STRBP: variants seen among roughly 807,000 people sequenced by gnomAD.
The protein encoded by STRBP is spermatid perinuclear RNA-binding protein.
A neutral mutation model predicts 80.1 loss-of-function variants in STRBP; 13 were observed. The observed-to-expected ratio is 0.16, with a 90% CI of 0.11 to 0.26. STRBP has a LOEUF of 0.26. STRBP is among the 10% of genes least tolerant of loss of function. The probability of loss-of-function intolerance (pLI) is 1.00; values close to 1 mark genes in which losing one functional copy is unlikely to be tolerated. For synonymous variants in STRBP, 284 were observed against 291.2 expected (o/e 0.98, Z 0.25); for missense variants, 485 against 815.2 (o/e 0.59, Z 4.93).
chr9:123,154,943 G>C (rs1229357499), intron 11 of STRBP, among the ~76,000 whole-genome samples: 1 of 152,202 alleles, frequency 6.6e-6, no homozygotes, highest in East Asian at 1.9e-4. Context: ...AGATACTGCA[G>C]CAGGTTTTTA....
intron 5 of STRBP, among the ~76,000 whole-genome samples, chr9:123,170,612 C>T (rs189543630): frequency 1.3e-4 from 20 of 152,324 alleles, no homozygotes; most frequent in Non-Finnish European, 2.4e-4. Flanking sequence ...CCTTCTCCGA[C>T]AACAGGTCTC....
chr9:123,122,633 A>G lies in STRBP; in HGVS notation c.*2964T>C. 1 of 1,047,274 alleles carries G rather than the reference A, an allele frequency of 9.5e-7. No homozygotes were observed. Among genetic ancestry groups the G allele is most frequent in the Non-Finnish European group, 1.2e-6 (1 of 868,796 alleles). 64.9% of individuals were successfully genotyped at this position (1,047,274 alleles called of 1,614,324 possible). A position where few individuals can be genotyped will look rare whatever the true frequency, so the allele number is the denominator to read the frequency against. Reference sequence around the variant, plus strand: ...ATCTACTGGACCAATTACCTTGCACAAGAGATGGGGTACTCCTGCAGCCTG... The same window carrying G: ...ATCTACTGGACCAATTACCTTGCACGAGAGATGGGGTACTCCTGCAGCCTG... On this transcript the variant is annotated 3_prime_UTR_variant, in exon 19 of 19. Transcript: ENST00000348403.
At chr9:123,170,912 C>A (rs2037979970) in intron 5 of STRBP, among the ~76,000 whole-genome samples, 1 of 151,958 alleles carries the variant, frequency 6.6e-6, no homozygotes, top group African/African-American at 2.4e-5. Context: ...ACTACCAAGT[C>A]CCTGCTCATC....
intron 16 of STRBP, chr9:123,135,799 C>A: frequency 3.2e-6 from 1 of 313,158 alleles, no homozygotes; most frequent in South Asian, 5.6e-5. Context: ...ATGCTAATAG[C>A]CTCATATATA....
intron 2 of STRBP, among the ~76,000 whole-genome samples, chr9:123,186,031 C>CAA (rs745615075): frequency 0.09 from 9,996 of 110,610 alleles, 1,306 homozygotes; most frequent in East Asian, 0.61. Flanking sequence ...GACTCCGTCT[C>CAA]AAAAAAAAAA....
intron 11 of STRBP, among the ~76,000 whole-genome samples, chr9:123,149,017 A>C (rs975167008): frequency 2.0e-5 from 3 of 152,206 alleles, no homozygotes; most frequent in African/African-American, 7.2e-5. Context: ...ATTAGAGAAA[A>C]GTTCATCAAC....
chr9:123,228,629 T>C (rs1354596563), intron 2 of STRBP, among the ~76,000 whole-genome samples: 2 of 152,194 alleles, frequency 1.3e-5, no homozygotes, highest in Non-Finnish European at 2.9e-5. Flanking sequence ...ATGTTACTAA[T>C]GACCTTGTCA....
chr9:123,123,754 T>C lies in STRBP; in HGVS notation c.*1843A>G, dbSNP rs965467194. ...CAATACAGCCGCAGCTGCCAATTAA[T>C]AGTATTCCAAAGACAATGAGGACTA... On this transcript the variant is annotated 3_prime_UTR_variant, in exon 19 of 19. Coordinates refer to ENST00000348403, the MANE Select transcript of STRBP (RefSeq NM_018387.5). The C allele has an allele frequency of 3.0e-6, 3 of 985,398 alleles. No individual in the cohort carries two copies. Among genetic ancestry groups the C allele is most frequent in the Non-Finnish European group, 3.6e-6 (3 of 829,924 alleles). 61.0% of individuals were successfully genotyped at this position (985,398 alleles called of 1,614,324 possible).
intron 2 of STRBP, among the ~76,000 whole-genome samples, chr9:123,209,723 G>A (rs964627668): frequency 6.6e-6 from 1 of 152,052 alleles, no homozygotes; most frequent in African/African-American, 2.4e-5. Flanking sequence ...GGAGATACAG[G>A]TATTTACCAT....
chr9:123,223,827 A>T (rs927942157), intron 2 of STRBP, among the ~76,000 whole-genome samples: 6 of 152,206 alleles, frequency 3.9e-5, no homozygotes, highest in African/African-American at 1.4e-4. Context: ...CAGAAATTAC[A>T]GGGAACAGTT....
intron 2 of STRBP, among the ~76,000 whole-genome samples, chr9:123,234,765 GC>G (rs2040501793): frequency 6.6e-6 from 1 of 152,024 alleles, no homozygotes; most frequent in Non-Finnish European, 1.5e-5. Flanking sequence ...TTCAAGACCA[GC>G]CTGGCCAAGA....
intron 11 of STRBP, among the ~76,000 whole-genome samples, chr9:123,156,923 GA>G (rs1049551770): frequency 3.7e-4 from 56 of 151,110 alleles, no homozygotes; most frequent in African/African-American, 1.0e-3. Flanking sequence ...GAAAGGGAGG[GA>G]AAAAAAAATA....
chr9:123,236,780 C>T (rs1448115176), intron 2 of STRBP, 50 bp downstream of exon 2: 2 of 152,062 alleles, frequency 1.3e-5, no homozygotes, highest in Non-Finnish European at 2.9e-5. Context: ...ACCTATGTCT[C>T]GATTTTCTCC....
chr9:123,169,019 TA>T (rs959136977), intron 6 of STRBP, among the ~76,000 whole-genome samples: 4 of 151,400 alleles, frequency 2.6e-5, no homozygotes, highest in African/African-American at 4.9e-5. Flanking sequence ...ACAAACCTCC[TA>T]AAAAAAAATT....
intron 2 of STRBP, among the ~76,000 whole-genome samples, chr9:123,219,290 T>C (rs2039998617): frequency 6.6e-6 from 1 of 152,158 alleles, no homozygotes; most frequent in Non-Finnish European, 1.5e-5. Flanking sequence ...TTTATTCACG[T>C]AACTTCCCCC....
In STRBP at chr9:123,236,848, T is replaced by C. The variant is rs1424051824; in HGVS notation, c.-183A>G. On this transcript the variant is annotated 5_prime_UTR_variant, in exon 2 of 19. Coordinates refer to ENST00000348403, the MANE Select transcript of STRBP (RefSeq NM_018387.5). ...TACTTACCTTTATAAGAAGCAACAG[T>C]TGAGGCCAGGCACAGTGGCTCGTGC... 2 of 152,152 alleles carry C rather than the reference T, an allele frequency of 1.3e-5. No individual in the cohort carries two copies. The highest frequency in any genetic ancestry group is 1.9e-4 in the East Asian group (1 of 5,186). The allele number at this position is 152,152 out of a possible 1,614,324, so 9.4% of individuals were successfully genotyped here.
chr9:123,206,182 T>C (rs1270469426), intron 2 of STRBP, among the ~76,000 whole-genome samples: 1 of 152,252 alleles, frequency 6.6e-6, no homozygotes, highest in East Asian at 1.9e-4. Flanking sequence ...TCTACCTGAA[T>C]ATGATTCTAT....
intron 1 of STRBP, among the ~76,000 whole-genome samples, chr9:123,261,816 T>C (rs2041167030): frequency 6.6e-6 from 1 of 152,214 alleles, no homozygotes; most frequent in Admixed American, 6.5e-5. Context: ...TCTAGTTCAC[T>C]ATCTTTGTGA....
intron 17 of STRBP, among the ~76,000 whole-genome samples, chr9:123,130,458 G>C (rs1331464473): frequency 6.6e-6 from 1 of 152,040 alleles, no homozygotes; most frequent in Admixed American, 6.6e-5. Context: ...GGCCATAAAC[G>C]GTTCCTTTCA....
Sources: allele counts gnomAD v4.1 joint callset (sites outside exome capture counted in the v4.1 genomes callset), GRCh38; gene constraint gnomAD v4.1.1; transcripts MANE v1.5; gene names NCBI Gene and HGNC (gene_info 2026-07-23, HGNC 2026-07-21).